The following NALCN variants were observed in gnomAD, a reference collection of about 807,000 sequenced individuals.
NALCN encodes the protein sodium leak channel NALCN.
A neutral mutation model predicts 225.3 loss-of-function variants in NALCN; 111 were observed. The observed-to-expected ratio is 0.49, with a 90% confidence interval of 0.42 to 0.58. The LOEUF (loss-of-function observed/expected upper bound fraction) is 0.58. Ranked by LOEUF, NALCN falls within the 20% of genes least tolerant of loss-of-function variation. The probability of loss-of-function intolerance (pLI) is 0.00; values close to 1 mark genes in which losing one functional copy is unlikely to be tolerated. For missense variants in NALCN, 1,378 were observed against 2,202.4 expected, an observed-to-expected ratio of 0.63 and a Z score of 7.49; for synonymous variants, 764 against 769.0, an observed-to-expected ratio of 0.99 and a Z score of 0.11.
At position 101,226,126 on chromosome 13, in the gene NALCN, A is replaced by G. The variant is rs546883041; in HGVS notation, c.1626+3267T>C. 2.6e-5 allele frequency among the ~76,000 whole-genome samples: 4 copies of G among 152,138 alleles called. No individual in the cohort carries two copies. The South Asian group carries it at 8.3e-4, about 32-fold the overall frequency. On this transcript the variant is annotated intron_variant, in intron 13 of 43. Transcript: ENST00000251127. ...CCACCATTTTAAGTTCCCTTTGATT[A>G]AAAAAACACCCAAATCAAGCACCCA...
At chr13:101,298,964 A>C (rs2043853431) in intron 7 of NALCN, among the ~76,000 whole-genome samples, 1 of 152,244 alleles carries the variant, frequency 6.6e-6, no homozygotes, top group Non-Finnish European at 1.5e-5. Context: ...TATAATTTAT[A>C]TTAAGTATTT....
At position 101,243,351 on chromosome 13, in the gene NALCN, A is replaced by T. The variant is rs1428903987; in HGVS notation, c.1267-5429T>A. 1.2e-4 allele frequency among the ~76,000 whole-genome samples: 12 copies of T among 103,332 alleles called. 5 individuals carry two copies. The highest frequency in any genetic ancestry group is 4.2e-4 in the African/African-American group (12 of 28,644). 67.8% of individuals were successfully genotyped at this position (103,332 alleles called of 152,430 possible). A position where few individuals can be genotyped will look rare whatever the true frequency, so the allele number is the denominator to read the frequency against. ...GGACATTTTTAGTTGAAGTTACAGA[A>T]ATTGTATTTTGTGCCCTGCTTACTT... On this transcript the variant is annotated intron_variant, in intron 11 of 43. Coordinates refer to ENST00000251127, the MANE Select transcript of NALCN (RefSeq NM_052867.4).
chr13:101,264,843 T>G (rs1295154084), intron 10 of NALCN, among the ~76,000 whole-genome samples: 1 of 152,204 alleles, frequency 6.6e-6, no homozygotes, highest in African/African-American at 2.4e-5. Context: ...AAAAATCAAC[T>G]AAATCTGTTT....
chr13:101,309,665 T>C (rs2044272087), intron 7 of NALCN, among the ~76,000 whole-genome samples: 1 of 152,220 alleles, frequency 6.6e-6, no homozygotes, highest in African/African-American at 2.4e-5. Flanking sequence ...AATTTGATCA[T>C]TTTACTTTAT....
intron 7 of NALCN, among the ~76,000 whole-genome samples, chr13:101,339,945 A>G (rs2139275829): frequency 6.6e-6 from 1 of 152,258 alleles, no homozygotes; most frequent in African/African-American, 2.4e-5. Context: ...GGGAGATATG[A>G]GTTAACATAG....
At chr13:101,402,322 C>A (rs545138688) in intron 1 of NALCN, among the ~76,000 whole-genome samples, 2 of 152,238 alleles carry the variant, frequency 1.3e-5, no homozygotes, top group African/African-American at 4.8e-5. Context: ...ATTAATAAAT[C>A]TTTTACTCAG....
intron 2 of NALCN, 53 bp from the exon 3 acceptor site, chr13:101,395,418 T>C: frequency 5.8e-6 from 9 of 1,554,142 alleles, no homozygotes; most frequent in Non-Finnish European, 7.9e-6. Context: ...TATCTCAAAC[T>C]TGTATTATGA....
In NALCN at chr13:101,143,135, G is replaced by A. The variant is rs776029721; in HGVS notation, c.2063C>T (p.Ser688Phe). The change falls in exon 17 of 44, where the codon TCC (serine) becomes TTC (phenylalanine). Residue 688 changes from serine to phenylalanine, a missense_variant. Transcript: ENST00000251127. The stretch of plus-strand genomic sequence containing the variant: ...TGCTGAGCGTTTGGAGTGGTCGCAG[G>A]AGGAGGAAGAGGTGGTCGGGAGGCT... ...LRSLPTTSSS[S>F]CDHSKRSAIE... 2 of 1,614,170 alleles carry A rather than the reference G, an allele frequency of 1.2e-6. No homozygotes were observed. Among genetic ancestry groups the A allele is most frequent in the South Asian group, 2.2e-5 (2 of 91,078 alleles).
chr13:101,095,780 A>C, intron 27 of NALCN, 100 bp from the exon 28 acceptor site: 1 of 991,720 alleles, frequency 1.0e-6, no homozygotes, highest in Non-Finnish European at 1.5e-6. Context: ...GGAATCCCAA[A>C]AGCCCTTTAT....
intron 3 of NALCN, 101 bp from the exon 4 acceptor site, chr13:101,378,754 C>T: frequency 1.0e-6 from 1 of 975,128 alleles, no homozygotes; most frequent in Non-Finnish European, 1.5e-6. Context: ...AAGCTATCTA[C>T]AATTTTTGTA....
chr13:101,058,694 G>A (rs2031566937), intron 42 of NALCN: 1 of 140,008 alleles, frequency 7.1e-6, no homozygotes, highest in South Asian at 2.2e-4. Context: ...TTCTTTCTTA[G>A]GCTTTTTCAT....
intron 1 of NALCN, 90 bp from the exon 2 acceptor site, chr13:101,399,255 G>A: frequency 1.3e-6 from 1 of 794,404 alleles, no homozygotes; most frequent in South Asian, 1.8e-5. Flanking sequence ...TTATTTGTAA[G>A]GCATATATGT....
chr13:101,229,484 A>T lies in NALCN; in HGVS notation c.1535T>A (p.Phe512Tyr). The stretch of plus-strand genomic sequence containing the variant: ...CATAACAATCAAGAGGCTGGCAGTA[A>T]ATACAACCAAACTCCCAAGCTTTTT... The part of the protein sequence containing the change: ...PGKKLGSLVV[F>Y]TASLLIVMSA... The change falls in exon 13 of 44, where the codon TTT (phenylalanine) becomes TAT (tyrosine). Residue 512 changes from phenylalanine (F) to tyrosine (Y), a missense_variant. Physicochemically the swap from Phe to Tyr is conservative, Grantham distance 22. Around this residue, in one of 19 missense-constraint regions of NALCN, gnomAD observed 12 missense variants for 50.5 expected, o/e 0.24. Coordinates refer to ENST00000251127, the MANE Select transcript of NALCN (RefSeq NM_052867.4). 1 of 1,612,164 alleles carries T rather than the reference A, an allele frequency of 6.2e-7. No individual in the cohort carries two copies.
chr13:101,339,914 T>C (rs186461444), intron 7 of NALCN, among the ~76,000 whole-genome samples: 3 of 152,082 alleles, frequency 2.0e-5, no homozygotes, highest in Admixed American at 2.0e-4. Context: ...ATGCTAGTCA[T>C]TGATTGGAAT....
chr13:101,285,608 A>G (rs1016054304), intron 9 of NALCN, among the ~76,000 whole-genome samples: 2 of 152,182 alleles, frequency 1.3e-5, no homozygotes, highest in African/African-American at 4.8e-5. Context: ...ACATTTACAT[A>G]AAGCTCCTTT....
chr13:101,208,450 A>G (rs189030069), intron 13 of NALCN, among the ~76,000 whole-genome samples: 61 of 152,322 alleles, frequency 4.0e-4, no homozygotes, highest in Middle Eastern at 3.4e-3. Flanking sequence ...CAAGAACCCA[A>G]CAATTCCGGA....
chr13:101,290,249 G>T (rs550822491), intron 9 of NALCN, among the ~76,000 whole-genome samples: 8 of 152,134 alleles, frequency 5.3e-5, no homozygotes, highest in Non-Finnish European at 1.0e-4. Context: ...TTTTCCAGCT[G>T]TGATTTTATA....
At chr13:101,207,756 A>C (rs1022653846) in intron 13 of NALCN, among the ~76,000 whole-genome samples, 1 of 152,188 alleles carries the variant, frequency 6.6e-6, no homozygotes, top group African/African-American at 2.4e-5. Context: ...GGGTGGGGCC[A>C]GATAAGGGAA....
intron 11 of NALCN, among the ~76,000 whole-genome samples, chr13:101,238,331 A>C (rs1002107884): frequency 4.6e-5 from 7 of 151,946 alleles, no homozygotes; most frequent in African/African-American, 1.7e-4. Flanking sequence ...TTATTAACCT[A>C]ATTAAACTAA....
Sources: allele counts gnomAD v4.1 joint callset (sites outside exome capture counted in the v4.1 genomes callset), GRCh38; gene constraint gnomAD v4.1.1; regional missense constraint gnomAD v4.1.1; transcripts MANE v1.5; gene names NCBI Gene and HGNC (gene_info 2026-07-23, HGNC 2026-07-21).